Variants in SIPA1L1 observed in about 807,000 individuals in gnomAD.
SIPA1L1 encodes the protein signal-induced proliferation-associated 1-like protein 1.
Under a neutral mutation model 162.7 loss-of-function variants are expected in SIPA1L1, and 26 were observed. The ratio of observed to expected loss-of-function variants is 0.16; its 90% CI spans 0.12 to 0.22. The LOEUF (loss-of-function observed/expected upper bound fraction) is 0.22. Among genes scored for constraint, SIPA1L1 ranks in the 10% least tolerant of loss-of-function variants. SIPA1L1 has a pLI of 1.00. For missense variants in SIPA1L1, 1,874 were observed against 2,241.0 expected, an observed-to-expected ratio of 0.84 and a Z score of 3.31; for synonymous variants, 829 against 837.4, an observed-to-expected ratio of 0.99 and a Z score of 0.17.
In SIPA1L1 at chr14:71,503,409, G is replaced by T. The variant is rs190410054; in HGVS notation, c.-464-9334G>T. On this transcript the variant is annotated intron_variant, in intron 2 of 23. Coordinates refer to ENST00000381232, the MANE Select transcript of SIPA1L1 (RefSeq NM_001386936.1). ...AACATTTTAAGATGCTGATTTCATT[G>T]ACTTGATCATCCTTTATATTTCCAA... 4.9e-4 allele frequency among the ~76,000 whole-genome samples: 74 copies of T among 152,258 alleles called. 1 individual carries two copies. The highest frequency in any genetic ancestry group is 1.8e-3 in the African/African-American group (73 of 41,558).
At chr14:71,558,765 A>G (rs1396989626) in intron 4 of SIPA1L1, among the ~76,000 whole-genome samples, 2 of 151,950 alleles carry the variant, frequency 1.3e-5, no homozygotes, top group Admixed American at 1.3e-4. Flanking sequence ...CTCACTATAT[A>G]CTCAAACCTC....
chr14:71,649,189 AT>A (rs576399247), intron 7 of SIPA1L1, among the ~76,000 whole-genome samples: 2,723 of 131,120 alleles, frequency 0.021, 64 homozygotes, highest in African/African-American at 0.069. Context: ...TCAAAGTCCA[AT>A]TTTTTTTTTT....
chr14:71,555,103 C>T (rs952467217), intron 4 of SIPA1L1, among the ~76,000 whole-genome samples: 2 of 152,082 alleles, frequency 1.3e-5, no homozygotes, highest in Non-Finnish European at 2.9e-5. Context: ...CTGCATTAGC[C>T]CCTAATAAGA....
At chr14:71,605,796 G>C (rs1367285236) in intron 5 of SIPA1L1, among the ~76,000 whole-genome samples, 3 of 152,130 alleles carry the variant, frequency 2.0e-5, no homozygotes, top group Non-Finnish European at 4.4e-5. Flanking sequence ...TGGGCCTCAG[G>C]GCAGCAAACA....
At chr14:71,429,084 A>G (rs1224667206) in intron 2 of SIPA1L1, among the ~76,000 whole-genome samples, 1 of 152,078 alleles carries the variant, frequency 6.6e-6, no homozygotes, top group Non-Finnish European at 1.5e-5. Flanking sequence ...CTGCTCCTCA[A>G]TTTCATTTTA....
At chr14:71,424,983 G>T (rs144367655) in intron 2 of SIPA1L1, among the ~76,000 whole-genome samples, 208 of 151,986 alleles carry the variant, frequency 1.4e-3, no homozygotes, top group Non-Finnish European at 2.4e-3. Context: ...ATAATTTAAT[G>T]TTGGTAACAT....
At chr14:71,708,248 T>G (rs1430342090) in intron 16 of SIPA1L1, among the ~76,000 whole-genome samples, 1 of 151,916 alleles carries the variant, frequency 6.6e-6, no homozygotes, top group Non-Finnish European at 1.5e-5. Flanking sequence ...TAGTTTTAGC[T>G]TTTACATTTA....
chr14:71,619,284 C>T (rs2039166804), intron 6 of SIPA1L1, among the ~76,000 whole-genome samples: 1 of 152,128 alleles, frequency 6.6e-6, no homozygotes. Flanking sequence ...TTAATTCACT[C>T]TTCCAAGCTC....
At chr14:71,559,216 C>T (rs1256114047) in intron 4 of SIPA1L1, among the ~76,000 whole-genome samples, 1 of 151,930 alleles carries the variant, frequency 6.6e-6, no homozygotes, top group Non-Finnish European at 1.5e-5. Context: ...TACAGGCATG[C>T]GCCACCAGAC....
intron 19 of SIPA1L1, among the ~76,000 whole-genome samples, chr14:71,725,152 G>T (rs1265598912): frequency 2.6e-5 from 4 of 152,216 alleles, no homozygotes; most frequent in African/African-American, 9.7e-5. Flanking sequence ...TGGAAACTGT[G>T]CAGAGACACC....
At chr14:71,446,894 G>GGTTTTTTTTT (rs2045394010) in intron 2 of SIPA1L1, among the ~76,000 whole-genome samples, 2 of 87,406 alleles carry the variant, frequency 2.3e-5, no homozygotes, top group African/African-American at 8.7e-5. Context: ...GATGGGCTCT[G>GGTTTTTTTTT]TTTTTTTTTT....
Position 71,671,524 on chromosome 14 carries a change from C to T in SIPA1L1, c.2661C>T (p.Leu887=). ...GGATCTCCAATGAGTTCATTGTGCT[C>T]ATTGAACAGGAAACAAAGAGCGTGG... The part of the protein sequence containing the change: ...LLGISNEFIV[L]IEQETKSVVF... The change falls in exon 11 of 24, where the codon CTC becomes CTT. Residue 887 remains leucine, a synonymous_variant. Coordinates refer to ENST00000381232, the MANE Select transcript of SIPA1L1 (RefSeq NM_001386936.1). 2 of 1,614,156 alleles carry T rather than the reference C, an allele frequency of 1.2e-6. No individual in the cohort carries two copies. The highest frequency in any genetic ancestry group is 1.7e-6 in the Non-Finnish European group (2 of 1,180,024).
chr14:71,644,104 C>T (rs904514593), intron 7 of SIPA1L1, among the ~76,000 whole-genome samples: 3 of 152,062 alleles, frequency 2.0e-5, no homozygotes, highest in African/African-American at 7.2e-5. Flanking sequence ...CCATGCCTGG[C>T]CAACAAATGG....
At chr14:71,443,327 A>G (rs2045064509) in intron 2 of SIPA1L1, among the ~76,000 whole-genome samples, 1 of 152,270 alleles carries the variant, frequency 6.6e-6, no homozygotes, top group East Asian at 1.9e-4. Flanking sequence ...GTTGCTGATC[A>G]TATTTTTTAT....
rs1167430678 is a variant in SIPA1L1 at position 71,671,514 on chromosome 14, T to G, written c.2651T>G (p.Phe884Cys). The change falls in exon 11 of 24, where the codon TTC becomes TGC. Residue 884 changes from phenylalanine to cysteine, a missense_variant. Phe to Cys is a radical substitution (Grantham distance 205, BLOSUM62 -2). This residue lies in a region of SIPA1L1 where 243 missense variants were observed against 315.0 expected (regional missense o/e 0.77). Transcript: ENST00000381232. ...TGCCTTTTAGGGATCTCCAATGAGT[T>G]CATTGTGCTCATTGAACAGGAAACA... ...LDCLLGISNE[F>C]IVLIEQETKS... The G allele has an allele frequency of 6.2e-7, 1 of 1,614,178 alleles. No homozygotes were observed. The highest frequency in any genetic ancestry group is 8.5e-7 in the Non-Finnish European group (1 of 1,180,022).
At chr14:71,403,791 A>C (rs1404747420) in intron 2 of SIPA1L1, among the ~76,000 whole-genome samples, 2 of 152,122 alleles carry the variant, frequency 1.3e-5, no homozygotes, top group Non-Finnish European at 2.9e-5. Context: ...AGCTCAAGCC[A>C]GCTGTGCAGC....
intron 19 of SIPA1L1, among the ~76,000 whole-genome samples, chr14:71,728,745 A>G (rs2084472708): frequency 6.6e-6 from 1 of 152,194 alleles, no homozygotes. Flanking sequence ...TCACATCTTC[A>G]CCTGTTCTCC....
intron 2 of SIPA1L1, among the ~76,000 whole-genome samples, chr14:71,490,187 T>C (rs939199533): frequency 2.0e-5 from 3 of 152,232 alleles, no homozygotes; most frequent in African/African-American, 7.2e-5. Context: ...TAATAAGTTA[T>C]TTTGATTTCA....
chr14:71,385,281 TG>T (rs2040225207), intron 2 of SIPA1L1, among the ~76,000 whole-genome samples: 2 of 152,210 alleles, frequency 1.3e-5, no homozygotes, highest in Non-Finnish European at 2.9e-5. Context: ...CTGATTATTC[TG>T]GGGACCATAG....
Sources: allele counts gnomAD v4.1 joint callset (sites outside exome capture counted in the v4.1 genomes callset), GRCh38; gene constraint gnomAD v4.1.1; regional missense constraint gnomAD v4.1.1; transcripts MANE v1.5; gene names NCBI Gene and HGNC (gene_info 2026-07-23, HGNC 2026-07-21).